PTPRK: variants seen among roughly 807,000 people sequenced by gnomAD.
PTPRK encodes protein tyrosine phosphatase receptor type K.
A neutral mutation model predicts 178.0 loss-of-function variants in PTPRK; 75 were observed. The observed-to-expected ratio is 0.42, with a 90% confidence interval of 0.35 to 0.51. The LOEUF (loss-of-function observed/expected upper bound fraction) is 0.51, where lower values mean the gene tolerates loss of function less well. Ranked by LOEUF, PTPRK falls within the 20% of genes least tolerant of loss-of-function variation. The pLI is 0.02. For missense variants in PTPRK, 1,441 were observed against 1,797.8 expected (o/e 0.80, Z 3.59); for synonymous variants, 637 against 620.6 (o/e 1.03, Z -0.39).
rs564812347 is a variant in PTPRK at position 128,456,982 on chromosome 6, C to T, written c.101-59294G>A. Among the ~76,000 whole-genome samples the T allele has an allele frequency of 1.2e-4, 19 of 152,196 alleles. 1 individual carries two copies. The South Asian group carries it at 2.1e-3, about 17-fold the overall frequency. ...ACAGCTCCCAACCCACCCCTGTAAT[C>T]CAAATCCTATTTGGTCCTGCAGTGA... is the stretch of plus-strand genomic sequence containing the variant. On this transcript the variant is annotated intron_variant, in intron 1 of 29. Coordinates refer to ENST00000368226, the MANE Select transcript of PTPRK (RefSeq NM_002844.4).
chr6:128,480,425 C>A (rs1313801761), intron 1 of PTPRK, among the ~76,000 whole-genome samples: 2 of 152,098 alleles, frequency 1.3e-5, no homozygotes, highest in African/African-American at 2.4e-5. Context: ...TCTTTCTCTT[C>A]TTTATCAACA....
At chr6:128,310,869 C>T (rs1241412172) in intron 3 of PTPRK, among the ~76,000 whole-genome samples, 1 of 152,060 alleles carries the variant, frequency 6.6e-6, no homozygotes. Context: ...CAGAACTTGT[C>T]CGACTTGGAA....
At chr6:128,313,038 C>T (rs975759516) in intron 3 of PTPRK, among the ~76,000 whole-genome samples, 1 of 152,096 alleles carries the variant, frequency 6.6e-6, no homozygotes, top group Non-Finnish European at 1.5e-5. Context: ...TCATTGAATA[C>T]TTAATCAGCA....
intron 8 of PTPRK, among the ~76,000 whole-genome samples, chr6:128,087,247 T>C (rs1265552668): frequency 6.6e-6 from 1 of 152,086 alleles, no homozygotes; most frequent in Non-Finnish European, 1.5e-5. Flanking sequence ...CAAAATGAAT[T>C]CTATTACTAG....
At chr6:128,013,872 A>G (rs1779311439) in intron 13 of PTPRK, among the ~76,000 whole-genome samples, 1 of 151,510 alleles carries the variant, frequency 6.6e-6, no homozygotes, top group Non-Finnish European at 1.5e-5. Context: ...GTTCCACCTC[A>G]AAACCCACAT....
intron 6 of PTPRK, among the ~76,000 whole-genome samples, chr6:128,209,756 G>A (rs1323702360): frequency 6.6e-6 from 1 of 152,122 alleles, no homozygotes; most frequent in Non-Finnish European, 1.5e-5. Context: ...ATATTTTGAA[G>A]GAGCAGGGTG....
In PTPRK at chr6:128,243,604, G is replaced by T. The variant is rs144628588; in HGVS notation, c.496-1002C>A. Among the ~76,000 whole-genome samples the T allele has an allele frequency of 3.8e-4, 57 of 151,826 alleles. 1 individual carries two copies. The East Asian group carries it at 5.8e-3, about 15-fold the overall frequency. On this transcript the variant is annotated intron_variant, in intron 3 of 29. Transcript: ENST00000368226. ...CACAGACTAAGAGACTAAGGTGGGA[G>T]AATTGCTTGAACCCAGGAGTTCAAG...
At position 128,184,458 on chromosome 6, in the gene PTPRK, G is replaced by T. The variant is rs765972344; in HGVS notation, c.1136C>A (p.Pro379Gln). 5 of 1,613,574 alleles carry T rather than the reference G, an allele frequency of 3.1e-6. No individual in the cohort carries two copies. The Admixed American group carries it at 8.3e-5, about 27-fold the overall frequency. Reference sequence around the variant, plus strand: ...TGCACATTTTGTTCTGGTGATTAGTGGAGGTCCTGGGAGCCCCGTTCCACC... The same window carrying T: ...TGCACATTTTGTTCTGGTGATTAGTTGAGGTCCTGGGAGCCCCGTTCCACC... Reference protein sequence around the residue: ...GEGGTGLPGPPLITRTKCAEP... With the variant: ...GEGGTGLPGPQLITRTKCAEP... Residue 379 changes from proline (P) to glutamine (Q), a missense_variant, in exon 7 of 30, where the codon CCA (proline) becomes CAA (glutamine). Physicochemically the swap from Pro to Gln is moderately conservative, Grantham distance 76. This residue lies in a region of PTPRK where 945 missense variants were observed against 1,080.6 expected (regional missense o/e 0.87). Coordinates refer to ENST00000368226, the MANE Select transcript of PTPRK (RefSeq NM_002844.4).
At chr6:128,296,480 T>C (rs941912627) in intron 3 of PTPRK, among the ~76,000 whole-genome samples, 1 of 152,136 alleles carries the variant, frequency 6.6e-6, no homozygotes, top group Non-Finnish European at 1.5e-5. Context: ...TAGAGAAAGG[T>C]TGGGTTATCC....
At chr6:128,103,791 C>T (rs1452136802) in intron 7 of PTPRK, among the ~76,000 whole-genome samples, 3 of 152,118 alleles carry the variant, frequency 2.0e-5, no homozygotes, top group African/African-American at 7.2e-5. Flanking sequence ...CTCTCCATAC[C>T]ATATCAAATG....
chr6:128,459,496 C>T (rs868175945), intron 1 of PTPRK, among the ~76,000 whole-genome samples: 22 of 152,244 alleles, frequency 1.4e-4, no homozygotes, highest in Middle Eastern at 3.4e-3. Flanking sequence ...AAAGCTGCTA[C>T]TAAAACACAG....
intron 2 of PTPRK, among the ~76,000 whole-genome samples, chr6:128,352,560 C>G (rs990463082): frequency 7.2e-5 from 11 of 152,146 alleles, no homozygotes; most frequent in Non-Finnish European, 1.3e-4. Flanking sequence ...GTCTATGCTG[C>G]AGCCATACTG....
intron 21 of PTPRK, 144 bp from the exon 22 acceptor site, chr6:127,986,019 A>C: frequency 1.4e-6 from 1 of 703,310 alleles, no homozygotes; most frequent in Non-Finnish European, 2.1e-6. Flanking sequence ...TTAAAAAAAA[A>C]ATATAATAAA....
At chr6:128,095,513 G>T (rs1223490241) in intron 7 of PTPRK, among the ~76,000 whole-genome samples, 1 of 152,142 alleles carries the variant, frequency 6.6e-6, no homozygotes, top group Non-Finnish European at 1.5e-5. Context: ...GGATGAGGAA[G>T]GGGTTCATTG....
intron 6 of PTPRK, among the ~76,000 whole-genome samples, chr6:128,196,371 T>C (rs768074864): frequency 2.6e-5 from 4 of 152,140 alleles, no homozygotes; most frequent in Non-Finnish European, 2.9e-5. Context: ...GCAATAATTA[T>C]AGACCCATCT....
intron 1 of PTPRK, among the ~76,000 whole-genome samples, chr6:128,481,354 C>T (rs974708485): frequency 1.3e-5 from 2 of 152,066 alleles, no homozygotes; most frequent in Non-Finnish European, 2.9e-5. Flanking sequence ...TGCAATTTTG[C>T]ATACCAAATG....
chr6:128,072,894 A>G (rs1783079509), intron 11 of PTPRK, among the ~76,000 whole-genome samples: 1 of 152,016 alleles, frequency 6.6e-6, no homozygotes, highest in Non-Finnish European at 1.5e-5. Flanking sequence ...TTCCTAACCC[A>G]CTGACAATTA....
intron 29 of PTPRK, among the ~76,000 whole-genome samples, chr6:127,971,864 G>A (rs770078641): frequency 1.3e-5 from 2 of 152,034 alleles, no homozygotes; most frequent in African/African-American, 2.4e-5. Flanking sequence ...TCTTCAAATC[G>A]CAAAGTTTAG....
rs1008871650 is a variant in PTPRK at position 128,184,525 on chromosome 6, T to C, written c.1069A>G (p.Thr357Ala). The change falls in exon 7 of 30, where the codon ACC (threonine) becomes GCC (alanine). Residue 357 changes from threonine to alanine, a missense_variant. Physicochemically the swap from Thr to Ala is moderately conservative, Grantham distance 58. This residue lies in a region of PTPRK where 945 missense variants were observed against 1,080.6 expected (regional missense o/e 0.87). Transcript: ENST00000368226. Reference sequence around the variant, plus strand: ...AGTAGAACTCGGATCTCATATTCGGTATCTGGATCTAAATGCCATAATTTG... The same window carrying C: ...AGTAGAACTCGGATCTCATATTCGGCATCTGGATCTAAATGCCATAATTTG... ...TYKLWHLDPD[T>A]EYEIRVLLTR... 3 of 1,613,952 alleles carry C rather than the reference T, an allele frequency of 1.9e-6. No homozygotes were observed. The highest frequency in any genetic ancestry group is 3.3e-5 in the Admixed American group (2 of 59,982).
Sources: gnomAD v4.1 joint callset for allele counts (sites outside exome capture counted in the v4.1 genomes callset) on GRCh38, gnomAD v4.1.1 for gene constraint, gnomAD v4.1.1 regional missense constraint, MANE v1.5 for transcripts, NCBI Gene and HGNC (gene_info 2026-07-23, HGNC 2026-07-21) for gene names.